The following UBAP2L variants were observed in gnomAD, a reference collection of about 807,000 sequenced individuals.
UBAP2L encodes ubiquitin associated protein 2 like, also known as ubiquitin-associated protein 2-like.
In UBAP2L, 12 loss-of-function variants were observed where a neutral mutation model predicts 130.6. The observed-to-expected ratio is 0.09, with a 90% confidence interval of 0.06 to 0.15. The LOEUF is 0.15. Ranked by LOEUF, UBAP2L falls within the 10% of genes least tolerant of loss-of-function variation. UBAP2L has a pLI of 1.00. For missense variants in UBAP2L, 965 were observed against 1,332.5 expected, an observed-to-expected ratio of 0.72 and a Z score of 4.29; for synonymous variants, 503 against 524.7, an observed-to-expected ratio of 0.96 and a Z score of 0.57.
chr1:154,267,880 C>CTTTT lies in UBAP2L; in HGVS notation c.2971-854_2971-851dup, dbSNP rs869153080. Among the ~76,000 whole-genome samples, 34 of 52,084 alleles carry CTTTT rather than the reference C, an allele frequency of 6.5e-4. 4 individuals carry two copies. The highest frequency in any genetic ancestry group is 1.8e-3 in the East Asian group (3 of 1,712). 34.2% of individuals were successfully genotyped at this position (52,084 alleles called of 152,430 possible). A position where few individuals can be genotyped will look rare whatever the true frequency, so the allele number is the denominator to read the frequency against. On this transcript the variant is annotated intron_variant, in intron 25 of 26. Transcript: ENST00000428931. The stretch of plus-strand genomic sequence containing the variant: ...TCCACATTCCATCCTCTTATTTGGT[C>CTTTT]TTTTTTTTTTTTTTTTTTTTTTTTT...
rs976062411 is a variant in UBAP2L, at chr1:154,227,383, T to C, written c.168+24T>C. 7 of 1,590,756 alleles carry C rather than the reference T, an allele frequency of 4.4e-6. No individual in the cohort carries two copies. In the African/African-American group the frequency reaches 8.1e-5, roughly 18 times the overall value. ...AAGTGAGTGTATCACTAATTTACTG[T>C]ACACTATGAGAAAAGATACCAGTAT... is the stretch of plus-strand genomic sequence containing the variant. On this transcript the variant is annotated intron_variant, in intron 3 of 26. Transcript: ENST00000428931.
At chr1:154,220,317 G>C (rs747881686), upstream of UBAP2L, 1 of 1,613,676 alleles carries the variant, frequency 6.2e-7, no homozygotes, top group Non-Finnish European at 8.5e-7. Flanking sequence ...GCGACAGCAG[G>C]AATGGGGTGG....
intron 14 of UBAP2L, among the ~76,000 whole-genome samples, chr1:154,252,411 G>A (rs1678012397): frequency 6.6e-6 from 1 of 150,744 alleles, no homozygotes; most frequent in Non-Finnish European, 1.5e-5. Flanking sequence ...TTCCTGAGTA[G>A]CTGAGATTAC....
At chr1:154,228,559 C>A (rs1002004507) in intron 3 of UBAP2L, 56 bp from the exon 4 acceptor site, 30 of 1,336,220 alleles carry the variant, frequency 2.2e-5, no homozygotes, top group Non-Finnish European at 3.0e-5. Flanking sequence ...AGTTTCCTTT[C>A]ATTGGGAGTG....
chr1:154,254,670 T>C (rs905364521), intron 15 of UBAP2L, 166 bp from the exon 16 acceptor site: 1 of 683,930 alleles, frequency 1.5e-6, no homozygotes. Flanking sequence ...GTTCCTATTT[T>C]GGTTTTTTGG....
At chr1:154,269,589 C>T (rs914115846) in intron 26 of UBAP2L, 2 of 386,004 alleles carry the variant, frequency 5.2e-6, no homozygotes, top group African/African-American at 4.2e-5. Flanking sequence ...TCCCCAACAC[C>T]CTCTTTATCT....
At chr1:154,235,604 G>A (rs1671412078) in intron 6 of UBAP2L, among the ~76,000 whole-genome samples, 1 of 152,082 alleles carries the variant, frequency 6.6e-6, no homozygotes, top group African/African-American at 2.4e-5. Flanking sequence ...CTGCCTCCCG[G>A]GTTCAAGCGA....
intron 18 of UBAP2L, among the ~76,000 whole-genome samples, chr1:154,256,252 C>G (rs2148954591): frequency 6.6e-6 from 1 of 152,270 alleles, no homozygotes; most frequent in Non-Finnish European, 1.5e-5. Context: ...CCATTTTGGA[C>G]AAAAGTATCA....
At chr1:154,240,935 T>TGTC (rs1558156606) in intron 8 of UBAP2L, among the ~76,000 whole-genome samples, 2 of 80,790 alleles carry the variant, frequency 2.5e-5, no homozygotes, top group African/African-American at 8.5e-5. Flanking sequence ...TGTCTGTCTG[T>TGTC]CCCCCCCCCC....
intron 22 of UBAP2L, 85 bp from the exon 23 acceptor site, chr1:154,260,807 C>A: frequency 7.5e-7 from 1 of 1,335,532 alleles, no homozygotes; most frequent in African/African-American, 1.4e-5. Flanking sequence ...ACAGGATCTC[C>A]TGGAATCATG....
At chr1:154,260,161 A>T in intron 22 of UBAP2L, 132 bp downstream of exon 22, 1 of 947,402 alleles carries the variant, frequency 1.1e-6, no homozygotes, top group Non-Finnish European at 1.6e-6. Flanking sequence ...AAAGTTGGGC[A>T]TGTCATGGCT....
At chr1:154,235,619 T>C (rs533990228) in intron 6 of UBAP2L, among the ~76,000 whole-genome samples, 1 of 152,170 alleles carries the variant, frequency 6.6e-6, no homozygotes, top group African/African-American at 2.4e-5. Context: ...AAGCGATTCT[T>C]CTGCCTCAGT....
intron 18 of UBAP2L, among the ~76,000 whole-genome samples, chr1:154,256,689 T>G (rs111876970): frequency 2.6e-5 from 4 of 152,314 alleles, no homozygotes; most frequent in African/African-American, 9.6e-5. Flanking sequence ...CACAAACTGG[T>G]CTCAACTAGT....
intron 25 of UBAP2L, 60 bp from the exon 26 acceptor site, chr1:154,268,697 A>G (rs1378960793): frequency 1.3e-5 from 20 of 1,572,518 alleles, no homozygotes; most frequent in Non-Finnish European, 1.6e-5. Context: ...AGCTCAGGAA[A>G]AATCCCAAGA....
Position 154,261,644 on chromosome 1 carries a change from C to T in UBAP2L, c.2849C>T (p.Ser950Leu). The change falls in exon 24 of 27, where the codon TCG (serine) becomes TTG (leucine). Residue 950 changes from serine to leucine, a missense_variant. Coordinates refer to ENST00000428931, the MANE Select transcript of UBAP2L (RefSeq NM_014847.4). ...GGTGTGAATGTCAGTGTGAATGCAT[C>T]GGCCACCCCTTTCCAACAGCCGAGT... The part of the protein sequence containing the change: ...QHGVNVSVNA[S>L]ATPFQQPSGY... The T allele has an allele frequency of 6.2e-7, 1 of 1,614,108 alleles. No homozygotes were observed. The highest frequency in any genetic ancestry group is 8.5e-7 in the Non-Finnish European group (1 of 1,180,018).
At chr1:154,259,072 A>G (rs1680618667) in intron 21 of UBAP2L, 42 bp downstream of exon 21, 1 of 1,554,098 alleles carries the variant, frequency 6.4e-7, no homozygotes, top group African/African-American at 1.4e-5. Context: ...AAGTAGTCTT[A>G]AAATTAGTGT....
chr1:154,250,398 A>G (rs115212747), intron 12 of UBAP2L, among the ~76,000 whole-genome samples: 192 of 152,240 alleles, frequency 1.3e-3, no homozygotes, highest in African/African-American at 4.6e-3. Context: ...GTTGAAGGAA[A>G]CAACGTTATG....
intron 14 of UBAP2L, among the ~76,000 whole-genome samples, chr1:154,252,036 C>T (rs1986709): frequency 0.45 from 68,892 of 151,756 alleles, 15,943 homozygotes; most frequent in South Asian, 0.63. Flanking sequence ...TGCAGTGGTG[C>T]GATCTCGGCT....
rs557604832 is a variant in UBAP2L, at chr1:154,243,614, C to T, written c.842+312C>T. Among the ~76,000 whole-genome samples the T allele has an allele frequency of 3.8e-4, 58 of 152,262 alleles. 1 individual carries two copies. The highest frequency in any genetic ancestry group is 6.8e-3 in the Middle Eastern group (2 of 294). On this transcript the variant is annotated intron_variant, in intron 10 of 26. Transcript: ENST00000428931. ...TAGCTGGGATTACAGGCGTGTGCCACCACGCCTGGCTAATTTTTGTATTTT... is the reference window on the plus strand; with the variant it reads ...TAGCTGGGATTACAGGCGTGTGCCATCACGCCTGGCTAATTTTTGTATTTT...
Sources: allele counts gnomAD v4.1 joint callset (sites outside exome capture counted in the v4.1 genomes callset), GRCh38; gene constraint gnomAD v4.1.1; transcripts MANE v1.5; gene names NCBI Gene and HGNC (gene_info 2026-07-23, HGNC 2026-07-21).